Variants in PKP4 observed in about 807,000 individuals in gnomAD.
The protein encoded by PKP4 is plakophilin-4.
In PKP4, 90 loss-of-function variants were observed where a neutral mutation model predicts 145.1. The ratio of observed to expected loss-of-function variants is 0.62; its 90% CI spans 0.52 to 0.74. The LOEUF (loss-of-function observed/expected upper bound fraction) is 0.74. Among genes scored for constraint, PKP4 ranks in the 30% least tolerant of loss-of-function variants. The pLI, the probability that PKP4 is intolerant of heterozygous loss-of-function variation, is 0.00. For missense variants in PKP4, 1,340 were observed against 1,482.7 expected, an observed-to-expected ratio of 0.90 and a Z score of 1.58; for synonymous variants, 563 against 577.2, an observed-to-expected ratio of 0.98 and a Z score of 0.35.
At chr2:158,515,052 ACTTTG>A (rs1450942971) in intron 1 of PKP4, among the ~76,000 whole-genome samples, 1 of 152,232 alleles carries the variant, frequency 6.6e-6, no homozygotes, top group Non-Finnish European at 1.5e-5. Flanking sequence ...AAAACTGTTG[ACTTTG>A]CTTTTTTTGC....
At chr2:158,675,331 TTA>T (rs1553481784) in intron 19 of PKP4, among the ~76,000 whole-genome samples, 1 of 152,092 alleles carries the variant, frequency 6.6e-6, no homozygotes, top group Non-Finnish European at 1.5e-5. Flanking sequence ...TTTTTTTTTT[TTA>T]GTTCCTCAGT....
At chr2:158,608,808 C>CTTTCTT (rs1558879615) in intron 4 of PKP4, among the ~76,000 whole-genome samples, 3 of 86,168 alleles carry the variant, frequency 3.5e-5, no homozygotes, top group African/African-American at 5.1e-5. Context: ...TCTTTTCTTT[C>CTTTCTT]TTTTTTTTTT....
At chr2:158,575,846 A>C (rs1429525736) in intron 2 of PKP4, among the ~76,000 whole-genome samples, 1 of 152,248 alleles carries the variant, frequency 6.6e-6, no homozygotes, top group Non-Finnish European at 1.5e-5. Flanking sequence ...AGTGTGAGGT[A>C]AGCATAATAG....
chr2:158,656,267 T>C (rs759286180), intron 11 of PKP4, among the ~76,000 whole-genome samples: 2 of 152,152 alleles, frequency 1.3e-5, no homozygotes, highest in Non-Finnish European at 2.9e-5. Context: ...GCACTTTATA[T>C]AGAAGCATGG....
chr2:158,580,212 A>T (rs2048218462), intron 3 of PKP4, among the ~76,000 whole-genome samples: 1 of 152,150 alleles, frequency 6.6e-6, no homozygotes, highest in African/African-American at 2.4e-5. Context: ...CTGGTTCCAT[A>T]TGTTTTTTTA....
intron 1 of PKP4, among the ~76,000 whole-genome samples, chr2:158,478,577 C>A (rs372239261): frequency 3.3e-5 from 5 of 152,166 alleles, no homozygotes; most frequent in Admixed American, 6.5e-5. Context: ...TTGGATAGAT[C>A]GCCTAAGTTA....
chr2:158,533,458 A>G, intron 2 of PKP4, 142 bp downstream of exon 2: 2 of 996,282 alleles, frequency 2.0e-6, no homozygotes, highest in Non-Finnish European at 3.1e-6. Context: ...CCCTGAGTAC[A>G]TTGGGATGAC....
chr2:158,551,860 C>T (rs1250527465), intron 2 of PKP4, among the ~76,000 whole-genome samples: 2 of 152,116 alleles, frequency 1.3e-5, no homozygotes, highest in Non-Finnish European at 2.9e-5. Context: ...AATTTTGAAA[C>T]AACTATAACT....
At chr2:158,515,526 C>G (rs1388489582) in intron 1 of PKP4, among the ~76,000 whole-genome samples, 1 of 151,806 alleles carries the variant, frequency 6.6e-6, no homozygotes, top group Admixed American at 6.6e-5. Flanking sequence ...TTTTTGGTGG[C>G]AGGAATCTTT....
chr2:158,486,419 G>A (rs1037250802), intron 1 of PKP4, among the ~76,000 whole-genome samples: 2 of 152,144 alleles, frequency 1.3e-5, no homozygotes, highest in Non-Finnish European at 2.9e-5. Flanking sequence ...CGTATAGTTT[G>A]GTAGCAGTAT....
At chr2:158,674,107 A>G in intron 19 of PKP4, 107 bp downstream of exon 19, 1 of 771,060 alleles carries the variant, frequency 1.3e-6, no homozygotes. Context: ...CATCTCCAAC[A>G]CTACCCATGC....
At chr2:158,597,278 A>G (rs1237897743) in intron 3 of PKP4, among the ~76,000 whole-genome samples, 1 of 152,236 alleles carries the variant, frequency 6.6e-6, no homozygotes, top group Non-Finnish European at 1.5e-5. Context: ...CTTTTGCAGA[A>G]TGATTGAAAC....
chr2:158,499,981 A>G (rs991209476), intron 1 of PKP4, among the ~76,000 whole-genome samples: 7 of 152,226 alleles, frequency 4.6e-5, no homozygotes, highest in African/African-American at 1.7e-4. Context: ...ATTTCCCAGA[A>G]ATGTTAGAAA....
chr2:158,566,421 A>G (rs2046992764), intron 2 of PKP4, among the ~76,000 whole-genome samples: 1 of 151,840 alleles, frequency 6.6e-6, no homozygotes, highest in Non-Finnish European at 1.5e-5. Flanking sequence ...TAGTCAATTA[A>G]CCCCCAAATA....
Position 158,504,965 on chromosome 2 carries a change from G to A in PKP4, c.-5-28215G>A, listed in dbSNP as rs571704372. On this transcript the variant is annotated intron_variant, in intron 1 of 21. Transcript: ENST00000389759. ...CGGTAGATTGCCAAGCCATCTGTTT[G>A]TATCAGTCTTCACAAAGATGCTTCT... Among the ~76,000 whole-genome samples, 4 of 152,280 alleles carry A rather than the reference G, an allele frequency of 2.6e-5. No individual in the cohort carries two copies. In the East Asian group the frequency reaches 5.8e-4, roughly 22 times the overall value.
rs376409775 is a variant in PKP4 at position 158,663,315 on chromosome 2, A to G, written c.2447A>G (p.Lys816Arg). The change falls in exon 15 of 22, where the codon AAA becomes AGA. Residue 816 changes from lysine (K) to arginine (R), a missense_variant. By Grantham distance (26) the Lys-to-Arg change is conservative. Coordinates refer to ENST00000389759, the MANE Select transcript of PKP4 (RefSeq NM_003628.6). ...GPIPGLSKSP[K>R]GVEMLWHPSV... ...ATCCCAGGACTGTCGAAGTCCCCCA[A>G]AGGGGTTGAGATGCTGTGGCACCCA... The G allele has an allele frequency of 1.3e-5, 21 of 1,613,976 alleles. No homozygotes were observed. Among genetic ancestry groups the G allele is most frequent in the African/African-American group, 5.3e-5 (4 of 74,914 alleles).
intron 19 of PKP4, among the ~76,000 whole-genome samples, chr2:158,675,758 A>G (rs2106021918): frequency 6.6e-6 from 1 of 152,330 alleles, no homozygotes; most frequent in South Asian, 2.1e-4. Context: ...ACATGCTTAC[A>G]TGTTTAACAC....
At chr2:158,678,286 C>T (rs1160212626) in intron 20 of PKP4, among the ~76,000 whole-genome samples, 1 of 152,238 alleles carries the variant, frequency 6.6e-6, no homozygotes, top group African/African-American at 2.4e-5. Context: ...CACATGTGAG[C>T]AGAGCTTGAG....
At chr2:158,498,867 A>G (rs569654401) in intron 1 of PKP4, among the ~76,000 whole-genome samples, 26 of 147,806 alleles carry the variant, frequency 1.8e-4, no homozygotes, top group African/African-American at 6.5e-4. Flanking sequence ...TGATCATTCA[A>G]TTCTGCCTCT....
Sources: allele counts gnomAD v4.1 joint callset (sites outside exome capture counted in the v4.1 genomes callset), GRCh38; gene constraint gnomAD v4.1.1; transcripts MANE v1.5; gene names NCBI Gene and HGNC (gene_info 2026-07-23, HGNC 2026-07-21).